The following NALCN variants were observed in gnomAD, a reference collection of about 807,000 sequenced individuals.
NALCN encodes the protein sodium leak channel, non-selective, also known as sodium leak channel NALCN.
NALCN carries 111 observed loss-of-function variants against 225.3 expected under a neutral mutation model. The observed-to-expected ratio is 0.49, with a 90% CI of 0.42 to 0.58. NALCN has a LOEUF of 0.58. Ranked by LOEUF, NALCN falls within the 20% of genes least tolerant of loss-of-function variation. NALCN has a pLI of 0.00. For missense variants in NALCN, 1,378 were observed against 2,202.4 expected (o/e 0.63, Z 7.49); for synonymous variants, 764 against 769.0 (o/e 0.99, Z 0.11).
rs1232209321 is a variant in NALCN at position 101,365,638 on chromosome 13, T to C, written c.644+11062A>G. On this transcript the variant is annotated intron_variant, in intron 6 of 43. Coordinates refer to ENST00000251127, the MANE Select transcript of NALCN (RefSeq NM_052867.4). Reference sequence around the variant, plus strand: ...TGGTGATATTTTATAAAATACCAAGTTCTATAAACTTCCCCTGGGCAAGGT... The same window carrying C: ...TGGTGATATTTTATAAAATACCAAGCTCTATAAACTTCCCCTGGGCAAGGT... Among the ~76,000 whole-genome samples the C allele has an allele frequency of 2.6e-5, 4 of 152,062 alleles. No homozygotes were observed. The East Asian group carries it at 7.7e-4, about 29-fold the overall frequency.
At chr13:101,098,288 A>G (rs2034624628) in intron 27 of NALCN, among the ~76,000 whole-genome samples, 1 of 152,140 alleles carries the variant, frequency 6.6e-6, no homozygotes, top group Non-Finnish European at 1.5e-5. Context: ...CTGACTTTAT[A>G]TTACTGTTGC....
chr13:101,339,259 G>T (rs1217979909), intron 7 of NALCN, among the ~76,000 whole-genome samples: 2 of 152,134 alleles, frequency 1.3e-5, no homozygotes, highest in Non-Finnish European at 2.9e-5. Flanking sequence ...TACCCACCTT[G>T]CCACCCATAC....
intron 15 of NALCN, among the ~76,000 whole-genome samples, chr13:101,169,029 G>A (rs1377978583): frequency 6.6e-6 from 1 of 152,282 alleles, no homozygotes; most frequent in East Asian, 1.9e-4. Flanking sequence ...TGATTTCACA[G>A]TCTGCTTTAG....
At chr13:101,202,677 C>T (rs899121969) in intron 13 of NALCN, among the ~76,000 whole-genome samples, 21 of 152,268 alleles carry the variant, frequency 1.4e-4, no homozygotes, top group African/African-American at 5.1e-4. Flanking sequence ...GGGTTCCCTC[C>T]TCACACAGCC....
At chr13:101,057,617 A>G (rs905970870) in intron 43 of NALCN, 16 of 324,850 alleles carry the variant, frequency 4.9e-5, no homozygotes. Flanking sequence ...ACTTTTGCCC[A>G]TGTTTGAGCA....
chr13:101,358,988 T>C (rs541843810), intron 6 of NALCN, among the ~76,000 whole-genome samples: 48 of 151,618 alleles, frequency 3.2e-4, no homozygotes, highest in African/African-American at 1.1e-3. Flanking sequence ...AAGTGGGAGT[T>C]GAACAATGAG....
intron 7 of NALCN, among the ~76,000 whole-genome samples, chr13:101,300,751 G>T (rs890255524): frequency 9.9e-5 from 15 of 152,220 alleles, no homozygotes; most frequent in African/African-American, 3.6e-4. Flanking sequence ...TTGCCACGTG[G>T]CATATCAAGG....
intron 3 of NALCN, among the ~76,000 whole-genome samples, chr13:101,386,421 T>C (rs1052888576): frequency 9.9e-5 from 15 of 152,160 alleles, no homozygotes; most frequent in Non-Finnish European, 2.1e-4. Flanking sequence ...GTTTTGTCTG[T>C]TTCCCTTCTC....
At chr13:101,206,336 T>C (rs1024326560) in intron 13 of NALCN, among the ~76,000 whole-genome samples, 2 of 152,090 alleles carry the variant, frequency 1.3e-5, no homozygotes, top group African/African-American at 4.8e-5. Flanking sequence ...TTTGCAGATA[T>C]AAATTTCAAA....
chr13:101,081,698 T>G (rs1355169478), intron 33 of NALCN, 52 bp from the exon 34 acceptor site: 1 of 1,589,820 alleles, frequency 6.3e-7, no homozygotes, highest in Admixed American at 1.8e-5. Flanking sequence ...TAGTACATAT[T>G]TAAATGTATT....
At chr13:101,123,005 C>T (rs544911044) in intron 18 of NALCN, among the ~76,000 whole-genome samples, 63 of 152,264 alleles carry the variant, frequency 4.1e-4, no homozygotes, top group Non-Finnish European at 6.6e-4. Flanking sequence ...CCATAGTTTC[C>T]GGATGAGTGA....
chr13:101,264,340 AGGAGTTTT>A, intron 10 of NALCN, among the ~76,000 whole-genome samples: 1 of 152,204 alleles, frequency 6.6e-6, no homozygotes, highest in South Asian at 2.1e-4. Context: ...TTAAAAGCAG[AGGAGTTTT>A]GGATATGTTT....
rs577646899 is a variant in NALCN at position 101,402,963 on chromosome 13, C to T, written c.-39-3798G>A. Among the ~76,000 whole-genome samples the T allele has an allele frequency of 7.4e-4, 113 of 152,280 alleles. 1 individual carries two copies. Among genetic ancestry groups the T allele is most frequent in the African/African-American group, 2.5e-3 (103 of 41,550 alleles). ...GCTCATTCATTCCATATATGTACAA[C>T]GGCCTTTTTCACCTATCCCCATTTC... On this transcript the variant is annotated intron_variant, in intron 1 of 43. Transcript: ENST00000251127.
At chr13:101,356,777 C>T (rs1278816642) in intron 6 of NALCN, among the ~76,000 whole-genome samples, 6 of 152,120 alleles carry the variant, frequency 3.9e-5, no homozygotes, top group African/African-American at 1.2e-4. Context: ...AACATCAATG[C>T]AAAAATCCTC....
intron 28 of NALCN, among the ~76,000 whole-genome samples, chr13:101,092,306 G>A (rs987370094): frequency 3.9e-5 from 6 of 152,166 alleles, no homozygotes; most frequent in African/African-American, 1.2e-4. Context: ...CCCTGAAGAC[G>A]TGACTGAGCG....
At chr13:101,331,506 A>G (rs568012) in intron 7 of NALCN, among the ~76,000 whole-genome samples, 93,501 of 151,916 alleles carry the variant, frequency 0.62, 29,745 homozygotes, top group African/African-American at 0.79. Flanking sequence ...TTGGAGGGAC[A>G]GAGAATGATA....
In NALCN at chr13:101,124,611, A is replaced by G; in HGVS notation, c.2189T>C (p.Leu730Ser). 1 of 1,613,418 alleles carries G rather than the reference A, an allele frequency of 6.2e-7. No individual in the cohort carries two copies. Among genetic ancestry groups the G allele is most frequent in the South Asian group, 1.1e-5 (1 of 90,930 alleles). ...TGTCAACATTAATTGGTGTTACCTT[A>G]AGATTTTAGTGACTGCGGTCTCCTT... is the stretch of plus-strand genomic sequence containing the variant. Reference protein sequence around the residue: ...LEKETAVTKILRACTRQRMLS... With the variant: ...LEKETAVTKISRACTRQRMLS... Residue 730 changes from leucine to serine, a missense_variant, in exon 18 of 44, where the codon TTA (leucine) becomes TCA (serine). Leu to Ser is a moderately radical substitution (Grantham distance 145, BLOSUM62 -2). Around this residue, in one of 19 missense-constraint regions of NALCN, gnomAD observed 100 missense variants for 89.4 expected, o/e 1.12. Coordinates refer to ENST00000251127, the MANE Select transcript of NALCN (RefSeq NM_052867.4).
intron 13 of NALCN, among the ~76,000 whole-genome samples, chr13:101,214,240 A>C (rs2040636928): frequency 6.6e-6 from 1 of 151,628 alleles, no homozygotes; most frequent in Non-Finnish European, 1.5e-5. Context: ...GTGGGAATTG[A>C]ACAATGAGAA....
At chr13:101,248,309 G>A (rs1031549060) in intron 11 of NALCN, among the ~76,000 whole-genome samples, 27 of 152,118 alleles carry the variant, frequency 1.8e-4, no homozygotes, top group South Asian at 8.3e-4. Flanking sequence ...TATTGGGAAC[G>A]AACCAATAAT....
Sources: gnomAD v4.1 joint callset for allele counts (sites outside exome capture counted in the v4.1 genomes callset) on GRCh38, gnomAD v4.1.1 for gene constraint, gnomAD v4.1.1 regional missense constraint, MANE v1.5 for transcripts, NCBI Gene and HGNC (gene_info 2026-07-23, HGNC 2026-07-21) for gene names.